NUP62CL: variants seen among roughly 807,000 people sequenced by gnomAD.
NUP62CL encodes the protein nucleoporin 62 C-terminal like.
NUP62CL carries 13 observed loss-of-function variants against 15.3 expected under a neutral mutation model. The observed-to-expected ratio is 0.85, with a 90% CI of 0.55 to 1.35. The LOEUF (loss-of-function observed/expected upper bound fraction) is 1.35, where lower values mean the gene tolerates loss of function less well. NUP62CL is among the 40% of genes most tolerant of loss of function. The pLI is 0.00. For synonymous variants in NUP62CL, 54 were observed against 49.2 expected (o/e 1.10, Z -0.41); for missense variants, 123 against 130.6 (o/e 0.94, Z 0.28).
chrX:107,140,439 G>T (rs948412074), intron 8 of NUP62CL, among the ~76,000 whole-genome samples: 8 of 111,527 alleles, frequency 7.2e-5, no homozygotes, highest in Non-Finnish European at 1.5e-4. Flanking sequence ...TAGATGCTTT[G>T]TATTTAGAGT....
At chrX:107,152,917 A>G (rs760141275) in intron 7 of NUP62CL, among the ~76,000 whole-genome samples, 9 of 112,397 alleles carry the variant, frequency 8.0e-5, no homozygotes, top group Non-Finnish European at 1.5e-4. Flanking sequence ...GTGAACATGC[A>G]TAAGGTTGAC....
chrX:107,145,702 C>A (rs750967366), intron 8 of NUP62CL, among the ~76,000 whole-genome samples: 2 of 111,532 alleles, frequency 1.8e-5, no homozygotes, highest in Non-Finnish European at 3.8e-5. Flanking sequence ...CATATTCAAT[C>A]CCCCAATATT....
At chrX:107,154,056 C>A in intron 5 of NUP62CL, 40 bp downstream of exon 5, 1 of 1,102,443 alleles carries the variant, frequency 9.1e-7, no homozygotes, top group Non-Finnish European at 1.2e-6. Flanking sequence ...TCTGCAAATA[C>A]TTGCACAATG....
chrX:107,185,188 C>T (rs1466917062), intron 2 of NUP62CL, among the ~76,000 whole-genome samples: 31 of 63,695 alleles, frequency 4.9e-4, no homozygotes, highest in Admixed American at 7.0e-4. Flanking sequence ...CACAGCGAGA[C>T]TCCGTCTCAA....
At chrX:107,131,649 A>T in intron 8 of NUP62CL, 2 of 580,495 alleles carry the variant, frequency 3.4e-6, no homozygotes, top group Non-Finnish European at 2.9e-6. Flanking sequence ...GCCGCGGCCG[A>T]CTAGCGGGAT....
In NUP62CL at chrX:107,139,029, T is replaced by C. The variant is rs763968095; in HGVS notation, c.*42+8714A>G. On this transcript the variant is annotated intron_variant, in intron 8 of 8. Coordinates refer to ENST00000372466, the MANE Select transcript of NUP62CL (RefSeq NM_017681.3). ...ACAATGAATCTTTGGAGAATTATGCTGAGGGGGAAAAAAGCCAATCCCAAA... is the reference window on the plus strand; with the variant it reads ...ACAATGAATCTTTGGAGAATTATGCCGAGGGGGAAAAAAGCCAATCCCAAA... 1.8e-4 allele frequency among the ~76,000 whole-genome samples: 20 copies of C among 111,797 alleles called. No homozygotes were observed. The South Asian group carries it at 7.6e-3, about 42-fold the overall frequency.
intron 8 of NUP62CL, among the ~76,000 whole-genome samples, chrX:107,135,501 T>C (rs1421749427): frequency 9.0e-6 from 1 of 111,204 alleles, no homozygotes; most frequent in East Asian, 2.8e-4. Context: ...GTCCTGATAC[T>C]GTGAGATTAC....
At chrX:107,175,280 T>C in intron 2 of NUP62CL, 87 bp from the exon 3 acceptor site, 2 of 483,984 alleles carry the variant, frequency 4.1e-6, no homozygotes, top group Middle Eastern at 6.1e-4. Flanking sequence ...TTCATTAATA[T>C]GGAGAAATAA....
intron 8 of NUP62CL, among the ~76,000 whole-genome samples, chrX:107,145,325 G>A (rs1925860477): frequency 9.0e-6 from 1 of 110,710 alleles, no homozygotes; most frequent in African/African-American, 3.3e-5. Context: ...ATCTTTAAAA[G>A]TAGTTAACTC....
At chrX:107,189,945 G>GATAA (rs780904593) in intron 2 of NUP62CL, among the ~76,000 whole-genome samples, 1 of 88,758 alleles carries the variant, frequency 1.1e-5, no homozygotes, top group Non-Finnish European at 2.2e-5. Context: ...AAGAAAGAAA[G>GATAA]AGAATCGATA....
intron 1 of NUP62CL, among the ~76,000 whole-genome samples, chrX:107,202,235 G>T (rs1443456359): frequency 9.0e-6 from 1 of 111,620 alleles, no homozygotes; most frequent in Non-Finnish European, 1.9e-5. Context: ...ATGGATGATG[G>T]TTCATAAGTC....
intron 2 of NUP62CL, among the ~76,000 whole-genome samples, chrX:107,186,319 TG>T (rs1569364874): frequency 1.8e-5 from 2 of 111,902 alleles, no homozygotes. Flanking sequence ...TTAAACATAA[TG>T]TTATGGGATA....
intron 4 of NUP62CL, among the ~76,000 whole-genome samples, chrX:107,158,505 T>A (rs1375668927): frequency 5.0e-5 from 4 of 79,853 alleles, no homozygotes; most frequent in African/African-American, 8.3e-5. Flanking sequence ...ACATGGAAAC[T>A]GAACAACCTA....
intron 2 of NUP62CL, among the ~76,000 whole-genome samples, chrX:107,188,852 TA>T (rs1166332057): frequency 9.0e-6 from 1 of 111,163 alleles, no homozygotes; most frequent in Admixed American, 9.6e-5. Flanking sequence ...GTACAATCTC[TA>T]AAAAAAAGAA....
intron 2 of NUP62CL, among the ~76,000 whole-genome samples, chrX:107,181,080 CT>C (rs1208380676): frequency 6.0e-4 from 60 of 100,070 alleles, no homozygotes; most frequent in East Asian, 1.8e-3. Context: ...CAACGCCCAA[CT>C]TTTTTTTTTT....
chrX:107,178,026 A>G (rs1423060552), intron 2 of NUP62CL, among the ~76,000 whole-genome samples: 1 of 112,204 alleles, frequency 8.9e-6, no homozygotes, highest in Non-Finnish European at 1.9e-5. Context: ...TTGCCATAAA[A>G]GGAAAAGTAC....
At chrX:107,160,368 T>C (rs1225203264) in intron 4 of NUP62CL, among the ~76,000 whole-genome samples, 2 of 106,387 alleles carry the variant, frequency 1.9e-5, no homozygotes, top group Non-Finnish European at 3.8e-5. Flanking sequence ...TCACACTACC[T>C]GACTTCAAAC....
Position 107,124,249 on chromosome X carries a change from C to T in NUP62CL, c.*126G>A. 1 of 338,897 alleles carries T rather than the reference C, an allele frequency of 3.0e-6. No homozygotes were observed. The highest frequency in any genetic ancestry group is 2.7e-5 in the South Asian group (1 of 37,070). 27.9% of individuals were successfully genotyped at this position (338,897 alleles called of 1,213,427 possible). Reference sequence around the variant, plus strand: ...GAAGATATGGTCATTCACTAAAAAGCAGTGTTGACATTGTGTGCATGCTCC... The same window carrying T: ...GAAGATATGGTCATTCACTAAAAAGTAGTGTTGACATTGTGTGCATGCTCC... On this transcript the variant is annotated 3_prime_UTR_variant, in exon 9 of 9. Transcript: ENST00000372466.
At chrX:107,156,435 G>A (rs1185049039) in intron 4 of NUP62CL, among the ~76,000 whole-genome samples, 25 of 100,501 alleles carry the variant, frequency 2.5e-4, no homozygotes, top group African/African-American at 8.8e-4. Flanking sequence ...GGAGATCTGA[G>A]AACAGGCAGA....
Sources: allele counts gnomAD v4.1 joint callset (sites outside exome capture counted in the v4.1 genomes callset), GRCh38; gene constraint gnomAD v4.1.1; transcripts MANE v1.5; gene names NCBI Gene and HGNC (gene_info 2026-07-23, HGNC 2026-07-21).